Variants in DIAPH2 observed in about 807,000 individuals in gnomAD.
The protein encoded by DIAPH2 is protein diaphanous homolog 2.
DIAPH2 carries 35 observed loss-of-function variants against 92.7 expected under a neutral mutation model. The observed-to-expected ratio is 0.38, with a 90% CI of 0.29 to 0.50. DIAPH2 has a LOEUF of 0.50. Among genes scored for constraint, DIAPH2 ranks in the 20% least tolerant of loss-of-function variants. DIAPH2 has a pLI of 0.94. For missense variants in DIAPH2, 701 were observed against 819.5 expected (o/e 0.86, Z 1.77); for synonymous variants, 301 against 280.4 (o/e 1.07, Z -0.73).
At chrX:97,264,311 A>G (rs2068316254) in intron 23 of DIAPH2, among the ~76,000 whole-genome samples, 1 of 111,310 alleles carries the variant, frequency 9.0e-6, no homozygotes, top group African/African-American at 3.3e-5. Context: ...TAGGTGCTCT[A>G]TAGGCACAGA....
intron 17 of DIAPH2, among the ~76,000 whole-genome samples, chrX:96,980,036 A>G (rs184177456): frequency 5.1e-4 from 56 of 110,786 alleles, no homozygotes; most frequent in Non-Finnish European, 9.6e-4. Flanking sequence ...GAGTACCCAC[A>G]ACCCCCGAAG....
intron 22 of DIAPH2, among the ~76,000 whole-genome samples, chrX:97,243,965 C>CA: frequency 9.0e-6 from 1 of 111,532 alleles, no homozygotes; most frequent in African/African-American, 3.2e-5. Flanking sequence ...GAGGGAAAAG[C>CA]AAAAAATCAA....
intron 23 of DIAPH2, among the ~76,000 whole-genome samples, chrX:97,318,482 C>CTTTTTTTTTTTTTTTTTTTTTT (rs745350367): frequency 2.4e-4 from 11 of 46,326 alleles, no homozygotes; most frequent in Non-Finnish European, 2.8e-4. Context: ...TTTTTCTTTA[C>CTTTTTTTTTTTTTTTTTTTTTT]TTTTTTTTTT....
chrX:97,557,578 A>G (rs761354035), intron 26 of DIAPH2, among the ~76,000 whole-genome samples: 6 of 112,214 alleles, frequency 5.3e-5, no homozygotes, highest in Non-Finnish European at 7.5e-5. Flanking sequence ...ACTCTTGGGG[A>G]TGTGTTTTAA....
At chrX:97,029,133 C>T (rs2066355038) in intron 17 of DIAPH2, among the ~76,000 whole-genome samples, 1 of 100,078 alleles carries the variant, frequency 1.0e-5, no homozygotes, top group African/African-American at 3.4e-5. Flanking sequence ...AGATCCTTTA[C>T]TTTTTTCTTT....
At chrX:96,867,328 C>T (rs769419956) in intron 4 of DIAPH2, among the ~76,000 whole-genome samples, 5 of 111,082 alleles carry the variant, frequency 4.5e-5, no homozygotes, top group African/African-American at 1.6e-4. Flanking sequence ...AAGCGATTCT[C>T]CTGCCTCAGC....
At chrX:97,195,259 A>G (rs1489063986) in intron 22 of DIAPH2, among the ~76,000 whole-genome samples, 3 of 112,566 alleles carry the variant, frequency 2.7e-5, no homozygotes, top group Non-Finnish European at 1.9e-5. Flanking sequence ...GGGGCATCAT[A>G]ATGAATTTTT....
At chrX:97,278,548 C>T (rs1051361660) in intron 23 of DIAPH2, among the ~76,000 whole-genome samples, 5 of 111,685 alleles carry the variant, frequency 4.5e-5, no homozygotes, top group Admixed American at 1.9e-4. Context: ...ATTTTGCCTT[C>T]TTCAAAATGT....
In DIAPH2 at chrX:97,397,223, G is replaced by A. The variant is rs60537653; in HGVS notation, c.3145+13179G>A. 3.0e-4 allele frequency among the ~76,000 whole-genome samples: 33 copies of A among 111,599 alleles called. No individual in the cohort carries two copies. In the South Asian group the frequency reaches 8.6e-3, roughly 29 times the overall value. ...AACAGTAGGTTTCATATGCTATTTCGTAACAGCTTAGAAGATGATGGTATG... is the reference window on the plus strand; with the variant it reads ...AACAGTAGGTTTCATATGCTATTTCATAACAGCTTAGAAGATGATGGTATG... On this transcript the variant is annotated intron_variant, in intron 25 of 26. Coordinates refer to ENST00000324765, the MANE Select transcript of DIAPH2 (RefSeq NM_006729.5).
intron 22 of DIAPH2, among the ~76,000 whole-genome samples, chrX:97,153,280 C>G (rs112832218): frequency 9.0e-6 from 1 of 111,251 alleles, no homozygotes; most frequent in Non-Finnish European, 1.9e-5. Flanking sequence ...TTATTCAGTC[C>G]AGTTTAAAAA....
At chrX:96,973,205 A>G (rs1331350628) in intron 17 of DIAPH2, among the ~76,000 whole-genome samples, 2 of 112,114 alleles carry the variant, frequency 1.8e-5, no homozygotes, top group East Asian at 5.5e-4. Flanking sequence ...AAAAAAATTA[A>G]AAATATAATA....
At chrX:96,958,935 T>C (rs1313537952) in intron 16 of DIAPH2, among the ~76,000 whole-genome samples, 3 of 112,115 alleles carry the variant, frequency 2.7e-5, no homozygotes, top group African/African-American at 6.5e-5. Flanking sequence ...AGTTGAATGG[T>C]ATTCCATTAT....
intron 24 of DIAPH2, among the ~76,000 whole-genome samples, chrX:97,369,560 C>T (rs1283369103): frequency 1.9e-5 from 2 of 107,121 alleles, no homozygotes; most frequent in African/African-American, 6.7e-5. Flanking sequence ...TTGTGTTGCT[C>T]GGTTTCCATT....
intron 23 of DIAPH2, among the ~76,000 whole-genome samples, chrX:97,334,472 A>AC (rs1556028858): frequency 2.4e-5 from 2 of 84,445 alleles, no homozygotes; most frequent in African/African-American, 4.5e-5. Context: ...CAAAAAAAAA[A>AC]AAAAAACAAA....
intron 25 of DIAPH2, among the ~76,000 whole-genome samples, chrX:97,390,066 G>A (rs2069642018): frequency 9.1e-6 from 1 of 110,487 alleles, no homozygotes; most frequent in Non-Finnish European, 1.9e-5. Flanking sequence ...TTGTAACAGG[G>A]TCTGTGTGAT....
chrX:97,300,824 T>C lies in DIAPH2; in HGVS notation c.2845-47292T>C, dbSNP rs753449001. ...GCGGGCGCCTGTAGTCCCAGCTACT[T>C]GGGAGGCTGAGGCAGGAGAATGGCG... On this transcript the variant is annotated intron_variant, in intron 23 of 26. Coordinates refer to ENST00000324765, the MANE Select transcript of DIAPH2 (RefSeq NM_006729.5). 7.2e-3 allele frequency among the ~76,000 whole-genome samples: 696 copies of C among 97,329 alleles called. 5 individuals carry two copies. The highest frequency in any genetic ancestry group is 0.011 in the Non-Finnish European group (558 of 48,801). 84.5% of individuals were successfully genotyped at this position (97,329 alleles called of 115,157 possible).
intron 17 of DIAPH2, among the ~76,000 whole-genome samples, chrX:97,038,865 T>C (rs1221925605): frequency 2.7e-5 from 3 of 111,846 alleles, no homozygotes; most frequent in African/African-American, 9.7e-5. Context: ...TTGTTCAATA[T>C]TTAGATTGTT....
At chrX:96,830,570 C>CA (rs776270215) in intron 4 of DIAPH2, among the ~76,000 whole-genome samples, 3,776 of 13,292 alleles carry the variant, frequency 0.28, 1,192 homozygotes, top group East Asian at 0.41. Context: ...GACTCAGTCT[C>CA]AAAAAAAAAA....
At chrX:97,175,365 C>T (rs1224705350) in intron 22 of DIAPH2, among the ~76,000 whole-genome samples, 1 of 111,584 alleles carries the variant, frequency 9.0e-6, no homozygotes, top group Non-Finnish European at 1.9e-5. Context: ...TAGTTCTATA[C>T]TGCCTTACAT....
Sources: allele counts gnomAD v4.1 joint callset (sites outside exome capture counted in the v4.1 genomes callset), GRCh38; gene constraint gnomAD v4.1.1; transcripts MANE v1.5; gene names NCBI Gene and HGNC (gene_info 2026-07-23, HGNC 2026-07-21).